The following SNX15 variants were observed in gnomAD, a reference collection of about 807,000 sequenced individuals.
SNX15 encodes sorting nexin 15.
A neutral mutation model predicts 35.2 loss-of-function variants in SNX15; 29 were observed. The observed-to-expected ratio is 0.82, with a 90% CI of 0.61 to 1.12. SNX15 has a LOEUF of 1.12. SNX15 is among the 50% of genes most tolerant of loss of function. SNX15 has a pLI of 0.00. For missense variants in SNX15, 400 were observed against 451.5 expected, an observed-to-expected ratio of 0.89 and a Z score of 1.03; for synonymous variants, 189 against 188.2, an observed-to-expected ratio of 1.00 and a Z score of -0.03.
intron 1 of SNX15, among the ~76,000 whole-genome samples, chr11:65,029,478 G>A (rs1946416536): frequency 6.7e-6 from 1 of 149,718 alleles, no homozygotes; most frequent in East Asian, 2.0e-4. Context: ...TTTAAACCAA[G>A]CAACATGCAT....
intron 1 of SNX15, among the ~76,000 whole-genome samples, chr11:65,028,966 C>T (rs2136924545): frequency 6.6e-6 from 1 of 152,008 alleles, no homozygotes; most frequent in East Asian, 1.9e-4. Flanking sequence ...CAGCGTGCAC[C>T]TGTAGTCCCA....
intron 1 of SNX15, among the ~76,000 whole-genome samples, chr11:65,031,068 G>A (rs899333374): frequency 6.6e-6 from 1 of 151,980 alleles, no homozygotes; most frequent in Non-Finnish European, 1.5e-5. Context: ...TCTCCAGGCT[G>A]GAGTGCAGTG....
chr11:65,035,739 G>A, intron 6 of SNX15, 76 bp downstream of exon 6: 1 of 1,472,694 alleles, frequency 6.8e-7, no homozygotes, highest in African/African-American at 1.4e-5. Context: ...AGCCCCACTA[G>A]CCTGCTCAGT....
At chr11:65,033,482 T>C (rs1946463900) in intron 3 of SNX15, among the ~76,000 whole-genome samples, 1 of 144,782 alleles carries the variant, frequency 6.9e-6, no homozygotes, top group South Asian at 2.2e-4. Flanking sequence ...AGGCAGAGGT[T>C]GCAGTGAGCC....
chr11:65,028,771 G>A (rs1590736613), intron 1 of SNX15, among the ~76,000 whole-genome samples: 1 of 151,644 alleles, frequency 6.6e-6, no homozygotes, highest in East Asian at 1.9e-4. Flanking sequence ...GGAGGATGTG[G>A]CAAGGAACTG....
intron 1 of SNX15, among the ~76,000 whole-genome samples, chr11:65,031,209 A>G (rs1019352808): frequency 3.3e-5 from 5 of 152,010 alleles, no homozygotes; most frequent in Admixed American, 2.0e-4. Flanking sequence ...TTTTTTGCAG[A>G]TACTGGGTGT....
chr11:65,039,793 C>G lies in SNX15; in HGVS notation c.*1C>G, dbSNP rs978521791. 1.3e-6 allele frequency: 2 copies of G among 1,599,542 alleles called. No homozygotes were observed. The highest frequency in any genetic ancestry group is 1.7e-6 in the Non-Finnish European group (2 of 1,169,106). ...GCACCTGTCTCAACTCCCACCCTAACAGGGAGTGGGCCATTCCCTGGGACT... is the reference window on the plus strand; with the variant it reads ...GCACCTGTCTCAACTCCCACCCTAAGAGGGAGTGGGCCATTCCCTGGGACT... On this transcript the variant is annotated 3_prime_UTR_variant, in exon 8 of 8. Transcript: ENST00000377244.
At chr11:65,035,396 CA>C in intron 5 of SNX15, 123 bp from the exon 6 acceptor site, 4 of 1,311,706 alleles carry the variant, frequency 3.0e-6, no homozygotes, top group Non-Finnish European at 4.2e-6. Context: ...AAAATGAGCA[CA>C]AACCCTAATA....
In SNX15 at chr11:65,034,872, G is replaced by T; in HGVS notation, c.282G>T (p.Glu94Asp). ...GCCGGTTTGAAGCCTCAGTGATCGA[G>T]GAGCGGCGAAAGGGGGCAGAGGACC... ...VFGRFEASVI[E>D]ERRKGAEDLL... Residue 94 changes from glutamate to aspartate, a missense_variant, in exon 4 of 8, where the codon GAG becomes GAT. Physicochemically the swap from Glu to Asp is conservative, Grantham distance 45. Transcript: ENST00000377244. 1 of 1,614,028 alleles carries T rather than the reference G, an allele frequency of 6.2e-7. No homozygotes were observed. The highest frequency in any genetic ancestry group is 8.5e-7 in the Non-Finnish European group (1 of 1,179,940).
In SNX15 at chr11:65,032,449, T is replaced by G; in HGVS notation, c.154T>G (p.Tyr52Asp). The G allele has an allele frequency of 6.2e-7, 1 of 1,614,168 alleles. No homozygotes were observed. The highest frequency in any genetic ancestry group is 8.5e-7 in the Non-Finnish European group (1 of 1,180,026). The part of the protein sequence containing the change: ...DVKEVVVWKR[Y>D]SDFRKLHGDL... ...CTCATAGGTGGTGGTCTGGAAGCGG[T>G]ACAGCGACTTCCGCAAGCTGCATGG... The change falls in exon 3 of 8, where the codon TAC (tyrosine) becomes GAC (aspartate). Residue 52 changes from tyrosine to aspartate, a missense_variant. Coordinates refer to ENST00000377244, the MANE Select transcript of SNX15 (RefSeq NM_013306.5).
chr11:65,035,064 G>A lies in SNX15; in HGVS notation c.378G>A (p.Gly126=). The A allele has an allele frequency of 6.2e-7, 1 of 1,613,594 alleles. No homozygotes were observed. The highest frequency in any genetic ancestry group is 1.1e-5 in the South Asian group (1 of 91,078). ...CTGATCTTTCTGTCCTGCAGGGTGG[G>A]GAGGTGACCCGACCCTTGGAGGTGT... The part of the protein sequence containing the change: ...SPQLKEFFRG[G]EVTRPLEVSR... Residue 126 remains glycine (G), a synonymous_variant, in exon 5 of 8, where the codon GGG becomes GGA. Transcript: ENST00000377244.
chr11:65,031,632 G>C (rs973877856), intron 1 of SNX15, among the ~76,000 whole-genome samples: 3 of 152,222 alleles, frequency 2.0e-5, no homozygotes, highest in Non-Finnish European at 4.4e-5. Flanking sequence ...GCTGATGGCC[G>C]GGTGCTCACG....
intron 1 of SNX15, among the ~76,000 whole-genome samples, chr11:65,028,068 T>C (rs2136922853): frequency 6.6e-6 from 1 of 152,364 alleles, no homozygotes; most frequent in Middle Eastern, 3.4e-3. Context: ...AAAATAATAC[T>C]GATCAGTGGT....
intron 1 of SNX15, among the ~76,000 whole-genome samples, chr11:65,030,095 G>A (rs371606978): frequency 7.0e-4 from 107 of 151,994 alleles, no homozygotes; most frequent in African/African-American, 2.5e-3. Flanking sequence ...GGTGGCGCAC[G>A]CCTGTAATCC....
chr11:65,032,318 G>A (rs1669967725), intron 2 of SNX15, 113 bp from the exon 3 acceptor site: 1 of 1,581,808 alleles, frequency 6.3e-7, no homozygotes, highest in Non-Finnish European at 8.7e-7. Flanking sequence ...GTCCCTGGGC[G>A]AGGGGCTGCT....
intron 1 of SNX15, among the ~76,000 whole-genome samples, chr11:65,030,231 T>C (rs1946425775): frequency 1.3e-5 from 2 of 151,792 alleles, no homozygotes; most frequent in Non-Finnish European, 2.9e-5. Context: ...GGCGCTCACC[T>C]GTAGTCCCAG....
At chr11:65,035,310 C>A in intron 5 of SNX15, 104 bp downstream of exon 5, 1 of 1,294,992 alleles carries the variant, frequency 7.7e-7, no homozygotes, top group Admixed American at 2.7e-5. Flanking sequence ...GTGTGTGTCC[C>A]AGGTCTATCA....
chr11:65,039,319 G>C (rs1946547315), intron 7 of SNX15, among the ~76,000 whole-genome samples: 1 of 151,954 alleles, frequency 6.6e-6, no homozygotes, highest in African/African-American at 2.4e-5. Context: ...CACCTCCCAG[G>C]TTCAAGCCAT....
At position 65,035,191 on chromosome 11, in the gene SNX15, G is replaced by A; in HGVS notation, c.505G>A (p.Glu169Lys). 6.3e-7 allele frequency: 1 copy of A among 1,590,878 alleles called. No individual in the cohort carries two copies. Among genetic ancestry groups the A allele is most frequent in the Non-Finnish European group, 8.5e-7 (1 of 1,170,868 alleles). Reference sequence around the variant, plus strand: ...CCCTGCAGAAAGGAGGGGCCTCGAGGAATTGGAGGTGCCAGGTACATCGGG... The same window carrying A: ...CCCTGCAGAAAGGAGGGGCCTCGAGAAATTGGAGGTGCCAGGTACATCGGG... The part of the protein sequence containing the change: ...LLPAERRGLE[E>K]LEVPVDPPPS... The change falls in exon 5 of 8, where the codon GAA (glutamate) becomes AAA (lysine). Residue 169 changes from glutamate to lysine, a missense_variant. By Grantham distance (56) the Glu-to-Lys change is moderately conservative. Transcript: ENST00000377244.
Sources: gnomAD v4.1 joint callset for allele counts (sites outside exome capture counted in the v4.1 genomes callset) on GRCh38, gnomAD v4.1.1 for gene constraint, MANE v1.5 for transcripts, NCBI Gene and HGNC (gene_info 2026-07-23, HGNC 2026-07-21) for gene names.